IAPP: variants seen among roughly 807,000 people sequenced by gnomAD.
IAPP encodes islet amyloid polypeptide.
IAPP carries 4 observed loss-of-function variants against 2.9 expected under a neutral mutation model. The observed-to-expected ratio is 1.39, with a 90% CI of 0.69 to 3.19. IAPP has a LOEUF of 3.19. Among genes scored for constraint, IAPP ranks in the 30% most tolerant of loss-of-function variants. The pLI, the probability that IAPP is intolerant of heterozygous loss-of-function variation, is 0.01. For synonymous variants in IAPP, 40 were observed against 42.1 expected (o/e 0.95, Z 0.19); for missense variants, 114 against 105.3 (o/e 1.08, Z -0.36).
chr12:21,375,552 C>A (rs1051240316), intron 2 of IAPP, among the ~76,000 whole-genome samples: 2 of 152,172 alleles, frequency 1.3e-5, no homozygotes, highest in African/African-American at 4.8e-5. Flanking sequence ...TACTTTCCCA[C>A]CAACTTTTTT....
chr12:21,362,446 T>C (rs113277473), intron 1 of IAPP, among the ~76,000 whole-genome samples: 49,183 of 151,990 alleles, frequency 0.32, 8,267 homozygotes, highest in East Asian at 0.46. Context: ...TGCAAAAACA[T>C]GCCAAATTGT....
At chr12:21,362,712 A>C (rs1048184374) in intron 1 of IAPP, among the ~76,000 whole-genome samples, 5 of 152,220 alleles carry the variant, frequency 3.3e-5, no homozygotes, top group Admixed American at 3.3e-4. Flanking sequence ...AAGATCTACC[A>C]AGCAAATGGA....
intron 1 of IAPP, among the ~76,000 whole-genome samples, chr12:21,365,505 A>C (rs971158784): frequency 1.3e-5 from 2 of 152,232 alleles, no homozygotes; most frequent in Admixed American, 6.5e-5. Context: ...TTTATGACTA[A>C]AACACCAAAA....
intron 1 of IAPP, among the ~76,000 whole-genome samples, chr12:21,357,528 A>T (rs1219483370): frequency 6.6e-6 from 1 of 152,204 alleles, no homozygotes; most frequent in Non-Finnish European, 1.5e-5. Flanking sequence ...TTTTGTCCCA[A>T]CTGGTTGGAA....
At chr12:21,376,920 A>C (rs952977602) in intron 2 of IAPP, among the ~76,000 whole-genome samples, 1 of 152,128 alleles carries the variant, frequency 6.6e-6, no homozygotes, top group African/African-American at 2.4e-5. Context: ...ACATTTCTCT[A>C]ACTTTCCTAA....
chr12:21,361,774 C>G (rs1185254564), intron 1 of IAPP, among the ~76,000 whole-genome samples: 1 of 151,930 alleles, frequency 6.6e-6, no homozygotes, highest in East Asian at 1.9e-4. Flanking sequence ...CCGATTTGAT[C>G]AAATAGAAGA....
At chr12:21,370,848 T>C (rs1939732172), upstream of IAPP, among the ~76,000 whole-genome samples, 1 of 152,204 alleles carries the variant, frequency 6.6e-6, no homozygotes, top group African/African-American at 2.4e-5. Flanking sequence ...TCTACATCAC[T>C]GTATTTAACG....
At chr12:21,358,423 G>A (rs1036843772) in intron 1 of IAPP, among the ~76,000 whole-genome samples, 1 of 152,148 alleles carries the variant, frequency 6.6e-6, no homozygotes, top group Non-Finnish European at 1.5e-5. Context: ...TTTAAACTAT[G>A]TGGCAATCCA....
rs1028889976 is a variant in IAPP at position 21,378,593 on chromosome 12, G to A, written c.*167G>A. On this transcript the variant is annotated 3_prime_UTR_variant, in exon 3 of 3. Coordinates refer to ENST00000240652, the MANE Select transcript of IAPP (RefSeq NM_000415.3). Reference sequence around the variant, plus strand: ...TGTTTTATATGTAGTACTAACTAAGGTCCCATAATAAAAAGATAGTATCTT... The same window carrying A: ...TGTTTTATATGTAGTACTAACTAAGATCCCATAATAAAAAGATAGTATCTT... The A allele has an allele frequency of 1.8e-5, 10 of 554,508 alleles. No homozygotes were observed. Among genetic ancestry groups the A allele is most frequent in the African/African-American group, 7.5e-5 (4 of 53,054 alleles). The allele number at this position is 554,508 out of a possible 1,614,324, so 34.3% of individuals were successfully genotyped here. A position where few individuals can be genotyped will look rare whatever the true frequency, so the allele number is the denominator to read the frequency against.
At chr12:21,358,019 G>A (rs914815363) in intron 1 of IAPP, among the ~76,000 whole-genome samples, 1 of 152,092 alleles carries the variant, frequency 6.6e-6, no homozygotes, top group African/African-American at 2.4e-5. Context: ...GGTGGGGCAG[G>A]GTGGAGTGAG....
rs375061978 is a variant in IAPP at position 21,375,505 on chromosome 12, A to T, written c.80+2074A>T. Among the ~76,000 whole-genome samples the T allele has an allele frequency of 5.3e-5, 8 of 152,328 alleles. No individual in the cohort carries two copies. The South Asian group carries it at 1.7e-3, about 32-fold the overall frequency. ...TAATCATCTCATTTGAGATTTTTTC[A>T]ATTTGTAAATGTATGAAATAGGATA... On this transcript the variant is annotated intron_variant, in intron 2 of 2. Coordinates refer to ENST00000240652, the MANE Select transcript of IAPP (RefSeq NM_000415.3).
At chr12:21,363,002 C>A (rs11502680) in intron 1 of IAPP, among the ~76,000 whole-genome samples, 165 of 152,256 alleles carry the variant, frequency 1.1e-3, no homozygotes, top group African/African-American at 3.8e-3. Context: ...AGAAAGTTAA[C>A]AAGGATATCC....
chr12:21,357,669 T>C (rs1016093125), intron 1 of IAPP, among the ~76,000 whole-genome samples: 25 of 152,244 alleles, frequency 1.6e-4, no homozygotes, highest in Non-Finnish European at 3.1e-4. Flanking sequence ...TAAATTATTC[T>C]TAAGGTTTCT....
upstream of IAPP, among the ~76,000 whole-genome samples, chr12:21,371,637 T>C (rs1464255340): frequency 2.0e-5 from 3 of 152,190 alleles, no homozygotes; most frequent in Non-Finnish European, 2.9e-5. Flanking sequence ...TCACTGACAA[T>C]TGAAATTTAT....
rs537466319 is a variant in IAPP at position 21,363,151 on chromosome 12, C to G, written c.-16+8138C>G. ...ATGGACCACATAGTTGGAAGTAAAG[C>G]ACTCCTCAGCAAATGTAAAAGAACA... On this transcript the variant is annotated intron_variant, in intron 1 of 2. Transcript: ENST00000539393. 1.9e-4 allele frequency among the ~76,000 whole-genome samples: 29 copies of G among 152,276 alleles called. No homozygotes were observed. The East Asian group carries it at 5.2e-3, about 27-fold the overall frequency.
chr12:21,362,300 A>G (rs1938970759), intron 1 of IAPP, among the ~76,000 whole-genome samples: 2 of 152,188 alleles, frequency 1.3e-5, no homozygotes, highest in South Asian at 4.1e-4. Flanking sequence ...AGTCAAACTA[A>G]GCTTCATACG....
chr12:21,366,567 A>T (rs1939403347), intron 1 of IAPP, among the ~76,000 whole-genome samples: 1 of 152,108 alleles, frequency 6.6e-6, no homozygotes, highest in Non-Finnish European at 1.5e-5. Context: ...ATAAAAAAGA[A>T]ATATAAACAT....
intron 1 of IAPP, among the ~76,000 whole-genome samples, chr12:21,360,766 C>A (rs1447110409): frequency 1.3e-5 from 2 of 152,234 alleles, no homozygotes; most frequent in African/African-American, 4.8e-5. Flanking sequence ...GAGGCTCCCA[C>A]ACCCACGGAG....
intron 1 of IAPP, among the ~76,000 whole-genome samples, chr12:21,357,163 C>A (rs1938433386): frequency 6.6e-6 from 1 of 152,086 alleles, no homozygotes; most frequent in Non-Finnish European, 1.5e-5. Flanking sequence ...AATAGTACCT[C>A]AGAATGAAAC....
Sources: allele counts gnomAD v4.1 joint callset (sites outside exome capture counted in the v4.1 genomes callset), GRCh38; gene constraint gnomAD v4.1.1; transcripts MANE v1.5; gene names NCBI Gene and HGNC (gene_info 2026-07-23, HGNC 2026-07-21).